ADAM9: variants seen among roughly 807,000 people sequenced by gnomAD.
The protein encoded by ADAM9 is ADAM metallopeptidase domain 9, also known as disintegrin and metalloproteinase domain-containing protein 9.
A neutral mutation model predicts 108.1 loss-of-function variants in ADAM9; 54 were observed. The ratio of observed to expected loss-of-function variants is 0.50; its 90% CI spans 0.40 to 0.63. The LOEUF (loss-of-function observed/expected upper bound fraction) is 0.63. Among genes scored for constraint, ADAM9 ranks in the 20% least tolerant of loss-of-function variants. The pLI, the probability that ADAM9 is intolerant of heterozygous loss-of-function variation, is 0.00. For missense variants in ADAM9, 830 were observed against 997.7 expected (o/e 0.83, Z 2.26); for synonymous variants, 316 against 336.0 (o/e 0.94, Z 0.65).
intron 1 of ADAM9, among the ~76,000 whole-genome samples, chr8:39,001,988 C>T (rs538703940): frequency 5.8e-5 from 8 of 136,788 alleles, no homozygotes; most frequent in East Asian, 4.3e-4. Context: ...TATTAATATA[C>T]GGTATGTATT....
At chr8:39,023,373 A>G (rs1227782776) in intron 9 of ADAM9, 48 bp downstream of exon 9, 2 of 1,530,034 alleles carry the variant, frequency 1.3e-6, no homozygotes, top group Non-Finnish European at 8.8e-7. Context: ...TCAAAATAAT[A>G]ATTTTTGCTT....
At chr8:39,030,775 C>G (rs1837072681) in intron 11 of ADAM9, among the ~76,000 whole-genome samples, 1 of 152,176 alleles carries the variant, frequency 6.6e-6, no homozygotes, top group African/African-American at 2.4e-5. Context: ...TGTCAGTGTT[C>G]TGGATTTTGG....
At chr8:39,048,388 G>A (rs372025149) in intron 12 of ADAM9, among the ~76,000 whole-genome samples, 1 of 151,866 alleles carries the variant, frequency 6.6e-6, no homozygotes, top group East Asian at 1.9e-4. Context: ...TGCTTTTATT[G>A]TTGTCTTTTT....
intron 2 of ADAM9, 71 bp from the exon 3 acceptor site, chr8:39,011,587 T>C: frequency 7.2e-7 from 1 of 1,385,568 alleles, no homozygotes; most frequent in South Asian, 1.2e-5. Flanking sequence ...TCCTGCATCT[T>C]ATAAATGAGA....
rs577672048 is a variant in ADAM9, at chr8:39,103,891, A to G, written c.*191A>G. The G allele has an allele frequency of 2.8e-6, 2 of 702,048 alleles. No individual in the cohort carries two copies. The highest frequency in any genetic ancestry group is 3.5e-5 in the African/African-American group (2 of 57,224). The allele number at this position is 702,048 out of a possible 1,614,324, so 43.5% of individuals were successfully genotyped here. A position where few individuals can be genotyped will look rare whatever the true frequency, so the allele number is the denominator to read the frequency against. On this transcript the variant is annotated 3_prime_UTR_variant, in exon 22 of 22. Transcript: ENST00000487273. ...TGTGAAATACAAGGAAATGCAGTAA[A>G]GCCAGGGAATTTACAATAACATTTC...
intron 15 of ADAM9, among the ~76,000 whole-genome samples, chr8:39,071,815 C>A (rs150917810): frequency 1.3e-4 from 20 of 152,306 alleles, no homozygotes; most frequent in Admixed American, 2.6e-4. Flanking sequence ...TTTTCTCCCC[C>A]TTAAATACCT....
In ADAM9 at chr8:39,082,669, C is replaced by T; in HGVS notation, c.1910C>T (p.Ala637Val). ...TGTAGAAACTTCCAGTGTGTAGATG[C>T]TTCTGTTCTGAATTATGACTGTGAT... The part of the protein sequence containing the change: ...KICRNFQCVD[A>V]SVLNYDCDVQ... The change falls in exon 17 of 22, where the codon GCT becomes GTT. Residue 637 changes from alanine (A) to valine (V), a missense_variant. This residue lies in a region of ADAM9 where 238 missense variants were observed against 235.7 expected (regional missense o/e 1.01). Coordinates refer to ENST00000487273, the MANE Select transcript of ADAM9 (RefSeq NM_003816.3). 1 of 1,606,926 alleles carries T rather than the reference C, an allele frequency of 6.2e-7. No individual in the cohort carries two copies. The highest frequency in any genetic ancestry group is 8.5e-7 in the Non-Finnish European group (1 of 1,177,216).
At chr8:39,065,409 CT>C (rs1397783183) in intron 14 of ADAM9, among the ~76,000 whole-genome samples, 1 of 151,672 alleles carries the variant, frequency 6.6e-6, no homozygotes, top group East Asian at 1.9e-4. Context: ...AATCCCAGCT[CT>C]TTGGGAGGCT....
At chr8:38,999,328 CTTT>C (rs33913641) in intron 1 of ADAM9, among the ~76,000 whole-genome samples, 3 of 147,418 alleles carry the variant, frequency 2.0e-5, no homozygotes, top group Non-Finnish European at 3.0e-5. Context: ...TTTCAGTAAA[CTTT>C]TTTTTTTTTT....
At chr8:39,062,774 A>G (rs566335696) in intron 14 of ADAM9, among the ~76,000 whole-genome samples, 29 of 152,306 alleles carry the variant, frequency 1.9e-4, no homozygotes, top group Non-Finnish European at 3.5e-4. Context: ...CAAGGATGCT[A>G]GGCCTCCCCT....
rs560530043 is a variant in ADAM9 at position 39,085,259 on chromosome 8, A to G, written c.2068+2186A>G. ...TAGTGATATTGTAACACTTCAGTAT[A>G]TTTCCATTTCTCTCATTTTGTGCCA... On this transcript the variant is annotated intron_variant, in intron 18 of 21. Transcript: ENST00000487273. 1.7e-4 allele frequency among the ~76,000 whole-genome samples: 26 copies of G among 152,216 alleles called. 1 individual carries two copies. Among genetic ancestry groups the G allele is most frequent in the Admixed American group, 2.6e-4 (4 of 15,284 alleles).
intron 13 of ADAM9, among the ~76,000 whole-genome samples, 169 bp downstream of exon 13, chr8:39,054,742 C>T (rs1190393312): frequency 1.3e-5 from 2 of 151,560 alleles, no homozygotes; most frequent in African/African-American, 2.4e-5. Flanking sequence ...CACTCTTTTA[C>T]GTTAAGTGGT....
rs142736118 is a variant in ADAM9 at position 39,022,441 on chromosome 8, A to G, written c.745-715A>G. Among the ~76,000 whole-genome samples, 87 of 152,318 alleles carry G rather than the reference A, an allele frequency of 5.7e-4. 1 individual carries two copies. The highest frequency in any genetic ancestry group is 2.0e-3 in the African/African-American group (84 of 41,562). ...AACAGTGTGATTAACTCTGTATTAT[A>G]TAACACCTTCGACAGGATCTTGGGG... On this transcript the variant is annotated intron_variant, in intron 8 of 21. Transcript: ENST00000487273.
chr8:39,094,200 T>C (rs1366686995), intron 20 of ADAM9, among the ~76,000 whole-genome samples: 1 of 152,260 alleles, frequency 6.6e-6, no homozygotes, highest in African/African-American at 2.4e-5. Context: ...TCTTCATTTC[T>C]GTTTTTTGTT....
chr8:39,049,707 G>A (rs1837893544), intron 12 of ADAM9, among the ~76,000 whole-genome samples: 1 of 152,090 alleles, frequency 6.6e-6, no homozygotes, highest in Admixed American at 6.5e-5. Flanking sequence ...CCAAAGTGCT[G>A]GGATTACAGG....
intron 11 of ADAM9, among the ~76,000 whole-genome samples, chr8:39,037,050 C>CTTTTTT (rs58876607): frequency 1.3e-4 from 10 of 78,608 alleles, no homozygotes; most frequent in African/African-American, 2.2e-4. Flanking sequence ...TGCGCAAGTT[C>CTTTTTT]TTTTTTTTTT....
In ADAM9 at chr8:39,104,938, T is replaced by C. The variant is rs1280985985; in HGVS notation, c.*1238T>C. On this transcript the variant is annotated 3_prime_UTR_variant, in exon 22 of 22. Transcript: ENST00000487273. ...TTCATTAGTTTTTTAAAAGTGTTTTTGGTTTGTGTATATATACATATACAA... is the reference window on the plus strand; with the variant it reads ...TTCATTAGTTTTTTAAAAGTGTTTTCGGTTTGTGTATATATACATATACAA... The C allele has an allele frequency of 1.6e-5, 7 of 428,046 alleles. No homozygotes were observed. Among genetic ancestry groups the C allele is most frequent in the Non-Finnish European group, 3.2e-5 (7 of 220,040 alleles). 26.5% of individuals were successfully genotyped at this position (428,046 alleles called of 1,614,324 possible). A position where few individuals can be genotyped will look rare whatever the true frequency, so the allele number is the denominator to read the frequency against.
At chr8:39,002,237 G>A (rs1836017882) in intron 1 of ADAM9, among the ~76,000 whole-genome samples, 1 of 146,938 alleles carries the variant, frequency 6.8e-6, no homozygotes. Flanking sequence ...AAAAGTGGCT[G>A]TTTGTTTATG....
Position 39,090,118 on chromosome 8 carries a change from A to G in ADAM9, c.2140A>G (p.Ile714Val), listed in dbSNP as rs1485265663. The G allele has an allele frequency of 1.9e-6, 3 of 1,613,806 alleles. No individual in the cohort carries two copies. Among genetic ancestry groups the G allele is most frequent in the South Asian group, 1.1e-5 (1 of 91,068 alleles). ...FLIVPLIVCA[I>V]FIFIKRDQLW... ...AATTGTTCCCCTTATTGTCTGTGCT[A>G]TTTTTATCTTCATCAAGAGGGATCA... Residue 714 changes from isoleucine to valine, a missense_variant, in exon 19 of 22, where the codon ATT becomes GTT. Transcript: ENST00000487273.
Sources: gnomAD v4.1 joint callset for allele counts (sites outside exome capture counted in the v4.1 genomes callset) on GRCh38, gnomAD v4.1.1 for gene constraint, gnomAD v4.1.1 regional missense constraint, MANE v1.5 for transcripts, NCBI Gene and HGNC (gene_info 2026-07-23, HGNC 2026-07-21) for gene names.